CCDC150: variants seen among roughly 807,000 people sequenced by gnomAD.
CCDC150 encodes the protein coiled-coil domain-containing protein 150.
A neutral mutation model predicts 156.5 loss-of-function variants in CCDC150; 151 were observed. That is an observed-to-expected ratio of 0.97 (90% confidence interval 0.85 to 1.10). The LOEUF (loss-of-function observed/expected upper bound fraction) is 1.10. CCDC150 is among the 50% of genes least tolerant of loss of function. The pLI, the probability that CCDC150 is intolerant of heterozygous loss-of-function variation, is 0.00. For synonymous variants in CCDC150, 452 were observed against 429.4 expected (o/e 1.05, Z -0.65); for missense variants, 1,312 against 1,268.1 (o/e 1.03, Z -0.53).
At position 196,660,816 on chromosome 2, in the gene CCDC150, C is replaced by T. The variant is rs192115664; in HGVS notation, c.645+1956C>T. On this transcript the variant is annotated intron_variant, in intron 5 of 27. Coordinates refer to ENST00000389175, the MANE Select transcript of CCDC150 (RefSeq NM_001080539.2). The stretch of plus-strand genomic sequence containing the variant: ...GAACTTTTAATGAAGTCCAATATAT[C>T]AATTTTTTTCTTTCATGGATTGTAC... Among the ~76,000 whole-genome samples, 13 of 152,246 alleles carry T rather than the reference C, an allele frequency of 8.5e-5. No homozygotes were observed. The East Asian group carries it at 2.5e-3, about 29-fold the overall frequency.
chr2:196,711,801 G>T (rs1057271193), intron 15 of CCDC150, among the ~76,000 whole-genome samples: 2 of 151,840 alleles, frequency 1.3e-5, no homozygotes, highest in Non-Finnish European at 2.9e-5. Context: ...TGAATGCCAG[G>T]TACCACAATT....
chr2:196,654,866 T>C (rs1188417328), intron 2 of CCDC150, among the ~76,000 whole-genome samples: 4 of 152,182 alleles, frequency 2.6e-5, no homozygotes, highest in African/African-American at 4.8e-5. Flanking sequence ...CTGGCCCTCA[T>C]GTAGGAGATC....
chr2:196,725,454 GT>G (rs1270100076), intron 21 of CCDC150, among the ~76,000 whole-genome samples: 1 of 152,176 alleles, frequency 6.6e-6, no homozygotes, highest in Non-Finnish European at 1.5e-5. Flanking sequence ...AGGAGTTCAA[GT>G]TAGGAATGCT....
At chr2:196,667,897 A>G (rs1426513936) in intron 7 of CCDC150, 2 of 152,188 alleles carry the variant, frequency 1.3e-5, no homozygotes, top group South Asian at 2.1e-4. Context: ...TCTTTCTGTA[A>G]TTGTGTGCCT....
In CCDC150 at chr2:196,702,269, A is replaced by G. The variant is rs575957586; in HGVS notation, c.1695+1089A>G. Among the ~76,000 whole-genome samples, 12 of 151,942 alleles carry G rather than the reference A, an allele frequency of 7.9e-5. No individual in the cohort carries two copies. In the South Asian group the frequency reaches 2.3e-3, roughly 29 times the overall value. ...GTCTCTAGAAAAAAATGAAGGGGGA[A>G]AATTCCCATGACTAGAAAGGCATTC... On this transcript the variant is annotated intron_variant, in intron 15 of 27. Transcript: ENST00000389175.
At chr2:196,710,605 C>T (rs1697045660) in intron 15 of CCDC150, among the ~76,000 whole-genome samples, 1 of 152,196 alleles carries the variant, frequency 6.6e-6, no homozygotes, top group East Asian at 1.9e-4. Flanking sequence ...GAGCTCCAGA[C>T]CAGAGCTGTT....
chr2:196,707,133 T>G (rs1203799648), intron 15 of CCDC150, among the ~76,000 whole-genome samples: 4 of 152,224 alleles, frequency 2.6e-5, no homozygotes, highest in Non-Finnish European at 5.9e-5. Context: ...TGTGAATCCG[T>G]CTGGTCCTGG....
intron 22 of CCDC150, among the ~76,000 whole-genome samples, chr2:196,728,558 G>GT (rs555353851): frequency 9.3e-5 from 14 of 151,134 alleles, no homozygotes; most frequent in Middle Eastern, 3.4e-3. Flanking sequence ...CTACTATGCA[G>GT]TTTTTTTTTC....
intron 14 of CCDC150, 131 bp downstream of exon 14, chr2:196,695,290 C>A: frequency 1.9e-6 from 1 of 519,024 alleles, no homozygotes; most frequent in Middle Eastern, 3.3e-4. Context: ...GAGATTCTTA[C>A]AGTATTCAAA....
chr2:196,724,506 A>G (rs1263356811), intron 21 of CCDC150, among the ~76,000 whole-genome samples: 1 of 152,206 alleles, frequency 6.6e-6, no homozygotes, highest in East Asian at 1.9e-4. Context: ...TAAGGACTTC[A>G]CATGCATTAT....
chr2:196,730,958 C>T lies in CCDC150; in HGVS notation c.3069+13C>T. The T allele has an allele frequency of 6.3e-7, 1 of 1,581,054 alleles. No homozygotes were observed. The highest frequency in any genetic ancestry group is 8.6e-7 in the Non-Finnish European group (1 of 1,163,068). ...GGAATCAGAACAGGTGAGCCAGACC[C>T]ACGGACATAAAGACTTAGACGTTTC... On this transcript the variant is annotated intron_variant, in intron 26 of 27. Coordinates refer to ENST00000389175, the MANE Select transcript of CCDC150 (RefSeq NM_001080539.2).
At chr2:196,708,711 A>G (rs4365483) in intron 15 of CCDC150, among the ~76,000 whole-genome samples, 101,067 of 152,022 alleles carry the variant, frequency 0.66, 34,395 homozygotes, top group East Asian at 0.92. Context: ...GGTGGTGACA[A>G]AATATCTCAG....
At chr2:196,715,072 A>G (rs1377669210) in intron 17 of CCDC150, among the ~76,000 whole-genome samples, 1 of 152,150 alleles carries the variant, frequency 6.6e-6, no homozygotes, top group East Asian at 1.9e-4. Context: ...ACAACTTCCT[A>G]TGGAGTTCCT....
intron 15 of CCDC150, among the ~76,000 whole-genome samples, chr2:196,707,475 A>AT (rs1050278858): frequency 1.6e-4 from 24 of 151,886 alleles, no homozygotes; most frequent in Middle Eastern, 6.8e-3. Flanking sequence ...GGATTCCTTG[A>AT]TTTTTTTGAA....
intron 1 of CCDC150, among the ~76,000 whole-genome samples, 156 bp from the exon 2 acceptor site, chr2:196,646,183 CTT>C (rs1692527510): frequency 6.6e-6 from 1 of 152,184 alleles, no homozygotes; most frequent in Admixed American, 6.5e-5. Flanking sequence ...CAAGCTGGCT[CTT>C]ATAACTTCCA....
At chr2:196,684,677 T>C (rs1456000265) in intron 13 of CCDC150, among the ~76,000 whole-genome samples, 3 of 152,114 alleles carry the variant, frequency 2.0e-5, no homozygotes, top group African/African-American at 7.2e-5. Flanking sequence ...TGTTAAATTA[T>C]TTATTTGTTC....
chr2:196,727,611 A>G (rs1050552954), intron 22 of CCDC150: 2 of 152,234 alleles, frequency 1.3e-5, no homozygotes, highest in Non-Finnish European at 2.9e-5. Context: ...GCAAAGCACT[A>G]TATAAATACA....
chr2:196,713,429 G>A, intron 17 of CCDC150: 1 of 1,550,000 alleles, frequency 6.5e-7, no homozygotes, highest in African/African-American at 1.4e-5. Context: ...TAGGTCCCAT[G>A]TAAACAGTAT....
intron 13 of CCDC150, among the ~76,000 whole-genome samples, chr2:196,682,951 T>C (rs1034819073): frequency 6.6e-6 from 1 of 152,090 alleles, no homozygotes. Flanking sequence ...CTCTATTTGC[T>C]ATGTCTATTT....
Sources: allele counts gnomAD v4.1 joint callset (sites outside exome capture counted in the v4.1 genomes callset), GRCh38; gene constraint gnomAD v4.1.1; transcripts MANE v1.5; gene names NCBI Gene and HGNC (gene_info 2026-07-23, HGNC 2026-07-21).